The following FBP1 variants were observed in gnomAD, a reference collection of about 807,000 sequenced individuals.
FBP1 encodes fructose-bisphosphatase 1.
FBP1 carries 22 observed loss-of-function variants against 29.9 expected under a neutral mutation model. The ratio of observed to expected loss-of-function variants is 0.74; its 90% CI spans 0.53 to 1.05. FBP1 has a LOEUF of 1.05. Ranked by LOEUF, FBP1 falls within the 50% of genes least tolerant of loss-of-function variation. The pLI, the probability that FBP1 is intolerant of heterozygous loss-of-function variation, is 0.00. For synonymous variants in FBP1, 175 were observed against 178.6 expected (o/e 0.98, Z 0.16); for missense variants, 345 against 448.2 (o/e 0.77, Z 2.08).
At chr9:94,604,182 C>G (rs1281342479) in intron 6 of FBP1, among the ~76,000 whole-genome samples, 3 of 152,084 alleles carry the variant, frequency 2.0e-5, no homozygotes, top group Admixed American at 6.5e-5. Context: ...CGACAGCTTT[C>G]TGCAGGTGTT....
At chr9:94,633,425 C>T (rs974861426) in intron 1 of FBP1, among the ~76,000 whole-genome samples, 10 of 152,294 alleles carry the variant, frequency 6.6e-5, no homozygotes, top group African/African-American at 2.2e-4. Flanking sequence ...CTTTTCTATA[C>T]CCCCAAAAGT....
chr9:94,636,589 TA>T (rs1255759350), intron 1 of FBP1, among the ~76,000 whole-genome samples: 1 of 152,014 alleles, frequency 6.6e-6, no homozygotes, highest in African/African-American at 2.4e-5. Context: ...TAAGGTTACT[TA>T]GACAGTGGGA....
At chr9:94,626,323 TA>T (rs1828025712) in intron 1 of FBP1, among the ~76,000 whole-genome samples, 1 of 152,180 alleles carries the variant, frequency 6.6e-6, no homozygotes, top group Non-Finnish European at 1.5e-5. Context: ...AAAAGGATCC[TA>T]AGGTAGAAAC....
At chr9:94,636,598 G>A (rs924834196) in intron 1 of FBP1, among the ~76,000 whole-genome samples, 9 of 152,056 alleles carry the variant, frequency 5.9e-5, no homozygotes, top group Admixed American at 2.0e-4. Flanking sequence ...TTAGACAGTG[G>A]GACACCTCAA....
chr9:94,639,118 C>A (rs752447827), intron 1 of FBP1, 23 bp downstream of exon 1: 82 of 1,579,226 alleles, frequency 5.2e-5, no homozygotes, highest in Non-Finnish European at 3.5e-5. Context: ...AGGACGGGGC[C>A]CACCGCCCAA....
chr9:94,625,789 C>T (rs1335997033), intron 1 of FBP1, among the ~76,000 whole-genome samples: 2 of 151,274 alleles, frequency 1.3e-5, no homozygotes, highest in African/African-American at 2.4e-5. Flanking sequence ...AGCGAGACTC[C>T]GTCAAAAAGA....
chr9:94,605,977 T>A (rs1827693467), intron 5 of FBP1, among the ~76,000 whole-genome samples: 1 of 152,124 alleles, frequency 6.6e-6, no homozygotes, highest in Non-Finnish European at 1.5e-5. Context: ...AAGTGTCTGC[T>A]TAGCAATGTG....
chr9:94,620,348 A>G lies in FBP1; in HGVS notation c.314T>C (p.Ile105Thr). ...LVSEEDKHAI[I>T]VEPEKRGKYV... ...ACCCACCCTTTTCTCCGGTTCCACT[A>G]TGATGGCGTGTTTATCTTCTTCTGA... is the stretch of plus-strand genomic sequence containing the variant. Residue 105 changes from isoleucine (I) to threonine (T), a missense_variant, in exon 2 of 7, where the codon ATA (isoleucine) becomes ACA (threonine). By Grantham distance (89) the Ile-to-Thr change is moderately conservative. Transcript: ENST00000375326. 3.7e-6 allele frequency: 6 copies of G among 1,614,226 alleles called. No homozygotes were observed. The highest frequency in any genetic ancestry group is 1.3e-5 in the African/African-American group (1 of 75,062).
chr9:94,620,924 TA>T (rs1489023120), intron 1 of FBP1, among the ~76,000 whole-genome samples: 1 of 152,130 alleles, frequency 6.6e-6, no homozygotes, highest in South Asian at 2.1e-4. Context: ...ATAATTTTTT[TA>T]AAAAAGGGCC....
chr9:94,604,812 A>C (rs753389324), intron 6 of FBP1, among the ~76,000 whole-genome samples: 22 of 152,138 alleles, frequency 1.4e-4, no homozygotes, highest in Non-Finnish European at 2.9e-4. Flanking sequence ...GGAAAACATA[A>C]GAAGGACACA....
At chr9:94,622,224 C>A (rs1392354112) in intron 1 of FBP1, among the ~76,000 whole-genome samples, 3 of 152,228 alleles carry the variant, frequency 2.0e-5, no homozygotes, top group Non-Finnish European at 4.4e-5. Flanking sequence ...GGCAGGTTGT[C>A]ATAGCCTGGG....
intron 6 of FBP1, 40 bp downstream of exon 6, chr9:94,605,417 G>A: frequency 1.2e-6 from 2 of 1,607,946 alleles, no homozygotes; most frequent in Non-Finnish European, 1.7e-6. Context: ...GGCTGCAAGT[G>A]AAATCTGCTC....
chr9:94,614,170 A>AT (rs1046400146), intron 3 of FBP1, among the ~76,000 whole-genome samples: 1 of 113,084 alleles, frequency 8.8e-6, no homozygotes, highest in Non-Finnish European at 1.7e-5. Context: ...CAGAGGAGGA[A>AT]GGGGGGGACG....
chr9:94,631,082 ATAT>A (rs932597757), intron 1 of FBP1, among the ~76,000 whole-genome samples: 4 of 152,188 alleles, frequency 2.6e-5, no homozygotes, highest in Admixed American at 2.6e-4. Flanking sequence ...CTCACTGGGA[ATAT>A]TATTTATTTG....
upstream of FBP1, among the ~76,000 whole-genome samples, chr9:94,639,713 C>T (rs1163175499): frequency 6.8e-6 from 1 of 147,668 alleles, no homozygotes; most frequent in East Asian, 2.1e-4. Flanking sequence ...CCCTAGTCTT[C>T]CTGGGCTGTC....
chr9:94,634,240 G>A (rs1828156899), intron 1 of FBP1, among the ~76,000 whole-genome samples: 1 of 150,704 alleles, frequency 6.6e-6, no homozygotes, highest in South Asian at 2.1e-4. Flanking sequence ...GTTGCAGTGA[G>A]CTGAGATCGC....
At chr9:94,638,114 A>T (rs930877027) in intron 1 of FBP1, among the ~76,000 whole-genome samples, 1 of 146,350 alleles carries the variant, frequency 6.8e-6, no homozygotes, top group African/African-American at 2.4e-5. Context: ...GAAAAGAAAA[A>T]GAAAATACCT....
intron 1 of FBP1, among the ~76,000 whole-genome samples, chr9:94,632,759 G>T (rs28402401): frequency 0.17 from 26,164 of 152,166 alleles, 3,469 homozygotes; most frequent in African/African-American, 0.36. Flanking sequence ...CCTCCTACGA[G>T]TCTCTGAGGC....
intron 1 of FBP1, among the ~76,000 whole-genome samples, chr9:94,621,839 C>G (rs1166349051): frequency 6.6e-6 from 1 of 151,996 alleles, no homozygotes; most frequent in Non-Finnish European, 1.5e-5. Flanking sequence ...GCGAGCCAAG[C>G]CAAGGGGTTT....
Sources: gnomAD v4.1 joint callset for allele counts (sites outside exome capture counted in the v4.1 genomes callset) on GRCh38, gnomAD v4.1.1 for gene constraint, MANE v1.5 for transcripts, NCBI Gene and HGNC (gene_info 2026-07-23, HGNC 2026-07-21) for gene names.